MPDZ: variants seen among roughly 807,000 people sequenced by gnomAD.
The protein encoded by MPDZ is multiple PDZ domain protein.
MPDZ carries 234 observed loss-of-function variants against 239.1 expected under a neutral mutation model. The observed-to-expected ratio is 0.98, with a 90% CI of 0.88 to 1.09. MPDZ has a LOEUF of 1.09. Among genes scored for constraint, MPDZ ranks in the 50% least tolerant of loss-of-function variants. The pLI, the probability that MPDZ is intolerant of heterozygous loss-of-function variation, is 0.00. For synonymous variants in MPDZ, 1,048 were observed against 881.3 expected, an observed-to-expected ratio of 1.19 and a Z score of -3.35; for missense variants, 3,175 against 2,510.0, an observed-to-expected ratio of 1.26 and a Z score of -5.66.
intron 25 of MPDZ, among the ~76,000 whole-genome samples, chr9:13,150,165 A>T (rs1948967818): frequency 6.6e-6 from 1 of 152,110 alleles, no homozygotes; most frequent in Non-Finnish European, 1.5e-5. Context: ...CAAACAGAAC[A>T]TAATTATTTT....
chr9:13,231,751 G>A (rs1344651558), intron 3 of MPDZ, among the ~76,000 whole-genome samples: 4 of 150,050 alleles, frequency 2.7e-5, no homozygotes, highest in Non-Finnish European at 5.9e-5. Flanking sequence ...CTTTTTGTTT[G>A]AGGCCAACAT....
In MPDZ at chr9:13,162,207, T is replaced by C. The variant is rs143941126; in HGVS notation, c.3359+484A>G. On this transcript the variant is annotated intron_variant, in intron 23 of 46. Coordinates refer to ENST00000319217, the MANE Select transcript of MPDZ (RefSeq NM_001378778.1). ...TGAACCCAGGAGGTAGAGGCTGCAG[T>C]TAACTGTAATGGCACCACTGTACTC... Among the ~76,000 whole-genome samples, 124 of 151,776 alleles carry C rather than the reference T, an allele frequency of 8.2e-4. 1 individual carries two copies. Among genetic ancestry groups the C allele is most frequent in the African/African-American group, 2.9e-3 (118 of 41,332 alleles).
chr9:13,217,440 TC>T (rs1434616529), intron 8 of MPDZ, 146 bp from the exon 9 acceptor site: 1 of 589,824 alleles, frequency 1.7e-6, no homozygotes, highest in Non-Finnish European at 2.9e-6. Context: ...CAGAGACGAT[TC>T]CTTTAATCCT....
intron 3 of MPDZ, among the ~76,000 whole-genome samples, chr9:13,243,945 T>C (rs755374535): frequency 5.7e-4 from 87 of 152,238 alleles, no homozygotes; most frequent in Non-Finnish European, 9.4e-4. Flanking sequence ...CTGAGGTTTA[T>C]TTGCCATCTA....
intron 1 of MPDZ, among the ~76,000 whole-genome samples, chr9:13,252,602 G>T (rs1389513246): frequency 4.0e-5 from 6 of 150,768 alleles, no homozygotes; most frequent in Non-Finnish European, 8.8e-5. Flanking sequence ...TGGGCATGGT[G>T]GCTCATGCCT....
chr9:13,240,737 C>T (rs117973525), intron 3 of MPDZ, among the ~76,000 whole-genome samples: 3 of 152,002 alleles, frequency 2.0e-5, no homozygotes, highest in East Asian at 1.9e-4. Context: ...CAAAACCTAC[C>T]TCCTGGAACT....
intron 12 of MPDZ, among the ~76,000 whole-genome samples, chr9:13,197,389 A>G (rs1955785150): frequency 6.6e-6 from 1 of 152,070 alleles, no homozygotes; most frequent in Non-Finnish European, 1.5e-5. Context: ...ACTCCCGAGT[A>G]GCTGGGATTA....
intron 24 of MPDZ, among the ~76,000 whole-genome samples, chr9:13,156,376 AAAG>A (rs1356664745): frequency 6.6e-6 from 1 of 152,212 alleles, no homozygotes; most frequent in Non-Finnish European, 1.5e-5. Context: ...GCAATTTACA[AAAG>A]AAGGAGGTTT....
intron 10 of MPDZ, among the ~76,000 whole-genome samples, chr9:13,215,173 A>C (rs930458683): frequency 6.6e-6 from 1 of 151,832 alleles, no homozygotes; most frequent in African/African-American, 2.4e-5. Context: ...TTGTGTTTCT[A>C]TAAGTCTATT....
At position 13,113,949 on chromosome 9, in the gene MPDZ, T is replaced by A; in HGVS notation, c.5539A>T (p.Ser1847Cys). 6.3e-7 allele frequency: 1 copy of A among 1,594,064 alleles called. No individual in the cohort carries two copies. The highest frequency in any genetic ancestry group is 8.6e-7 in the Non-Finnish European group (1 of 1,169,286). ...ATCTTACATGCATTCTTCTTTGAGC[T>A]ACTTTCCAGTGACTCAGATGTACTG... ...GSSTSESLES[S>C]SKKNALASEI... Residue 1847 changes from serine to cysteine, a missense_variant, in exon 41 of 47, where the codon AGC (serine) becomes TGC (cysteine). Transcript: ENST00000319217.
intron 21 of MPDZ, among the ~76,000 whole-genome samples, chr9:13,171,018 A>G (rs1258813225): frequency 6.6e-6 from 1 of 152,192 alleles, no homozygotes; most frequent in Non-Finnish European, 1.5e-5. Context: ...AGAACTGGTT[A>G]CAAACCTGAA....
chr9:13,159,140 A>T (rs1162509150), intron 23 of MPDZ, among the ~76,000 whole-genome samples: 3 of 152,198 alleles, frequency 2.0e-5, no homozygotes, highest in Non-Finnish European at 4.4e-5. Flanking sequence ...AAAGATCAGA[A>T]GTCATCTAAT....
intron 3 of MPDZ, among the ~76,000 whole-genome samples, chr9:13,236,088 A>T (rs1271299053): frequency 6.6e-6 from 1 of 150,470 alleles, no homozygotes; most frequent in African/African-American, 2.4e-5. Flanking sequence ...CAAACCTGCA[A>T]AGATCTTATT....
intron 3 of MPDZ, among the ~76,000 whole-genome samples, chr9:13,244,430 T>C (rs1249054863): frequency 6.6e-6 from 1 of 151,580 alleles, no homozygotes; most frequent in Non-Finnish European, 1.5e-5. Context: ...GTCACAGTTC[T>C]TTTTTTTTCT....
intron 32 of MPDZ, among the ~76,000 whole-genome samples, chr9:13,130,167 T>C (rs752323010): frequency 2.0e-5 from 3 of 152,220 alleles, no homozygotes; most frequent in Non-Finnish European, 2.9e-5. Context: ...TTCTGATCAA[T>C]TGAATTTGCA....
chr9:13,109,603 C>G (rs932595331), intron 45 of MPDZ, among the ~76,000 whole-genome samples: 2 of 152,096 alleles, frequency 1.3e-5, no homozygotes, highest in Non-Finnish European at 2.9e-5. Context: ...GATGAATAGG[C>G]AGTGCGGGAA....
chr9:13,126,310 A>G (rs533036709), intron 34 of MPDZ, among the ~76,000 whole-genome samples: 8 of 152,238 alleles, frequency 5.3e-5, no homozygotes, highest in Non-Finnish European at 1.2e-4. Context: ...AATATTGAAT[A>G]ATTTGTGTGG....
Position 13,186,381 on chromosome 9 carries a change from T to G in MPDZ, c.2370A>C (p.Ser790=). The G allele has an allele frequency of 6.4e-7, 1 of 1,561,984 alleles. No individual in the cohort carries two copies. The highest frequency in any genetic ancestry group is 8.7e-7 in the Non-Finnish European group (1 of 1,150,268). The part of the protein sequence containing the change: ...RIGVAKPLPL[S]PEEGYVSAKE... Reference sequence around the variant, plus strand: ...TAGCAGAAACATAACCTTCTTCTGGTGAAAGCTGCAGGGAAAAAATGGTAT... The same window carrying G: ...TAGCAGAAACATAACCTTCTTCTGGGGAAAGCTGCAGGGAAAAAATGGTAT... The change falls in exon 18 of 47, where the codon TCA becomes TCC. Residue 790 remains serine, a synonymous_variant. Coordinates refer to ENST00000319217, the MANE Select transcript of MPDZ (RefSeq NM_001378778.1).
At chr9:13,217,709 A>G (rs1005969970) in intron 8 of MPDZ, among the ~76,000 whole-genome samples, 2 of 151,896 alleles carry the variant, frequency 1.3e-5, no homozygotes, top group East Asian at 1.9e-4. Context: ...CACTTCATCT[A>G]GAAAGAAAAT....
Sources: gnomAD v4.1 joint callset for allele counts (sites outside exome capture counted in the v4.1 genomes callset) on GRCh38, gnomAD v4.1.1 for gene constraint, MANE v1.5 for transcripts, NCBI Gene and HGNC (gene_info 2026-07-23, HGNC 2026-07-21) for gene names.